STXBP5L: variants seen among roughly 807,000 people sequenced by gnomAD.
STXBP5L encodes the protein syntaxin binding protein 5L, also known as syntaxin-binding protein 5-like.
STXBP5L carries 65 observed loss-of-function variants against 144.5 expected under a neutral mutation model. The ratio of observed to expected loss-of-function variants is 0.45; its 90% CI spans 0.37 to 0.55. The LOEUF (loss-of-function observed/expected upper bound fraction) is 0.55, where lower values mean the gene tolerates loss of function less well. Ranked by LOEUF, STXBP5L falls within the 20% of genes least tolerant of loss-of-function variation. The pLI is 0.00. For synonymous variants in STXBP5L, 505 were observed against 469.6 expected (o/e 1.08, Z -0.97); for missense variants, 1,298 against 1,405.5 (o/e 0.92, Z 1.22).
intron 18 of STXBP5L, among the ~76,000 whole-genome samples, chr3:121,259,721 A>C (rs751405420): frequency 6.6e-6 from 1 of 151,944 alleles, no homozygotes; most frequent in African/African-American, 2.4e-5. Context: ...CATATTTGGT[A>C]TCTAGTCTAT....
chr3:121,197,100 G>T (rs759062899), intron 9 of STXBP5L, among the ~76,000 whole-genome samples: 1 of 151,502 alleles, frequency 6.6e-6, no homozygotes, highest in Non-Finnish European at 1.5e-5. Flanking sequence ...TTATATCTTC[G>T]TTTCATTCTT....
intron 3 of STXBP5L, among the ~76,000 whole-genome samples, chr3:121,018,025 G>T (rs1313394153): frequency 6.6e-6 from 1 of 152,216 alleles, no homozygotes; most frequent in Non-Finnish European, 1.5e-5. Context: ...GTTGCAGTGA[G>T]CCACGATCAC....
intron 20 of STXBP5L, among the ~76,000 whole-genome samples, chr3:121,372,137 G>A (rs1045064791): frequency 6.6e-6 from 1 of 152,130 alleles, no homozygotes; most frequent in African/African-American, 2.4e-5. Flanking sequence ...TGCCAGTCAG[G>A]CACAGTCCAC....
intron 22 of STXBP5L, among the ~76,000 whole-genome samples, chr3:121,396,418 T>C (rs1576350529): frequency 6.6e-6 from 1 of 152,324 alleles, no homozygotes; most frequent in East Asian, 1.9e-4. Flanking sequence ...GGAATGCCCA[T>C]CACCACAAAA....
At chr3:121,025,339 G>C (rs183568343) in intron 3 of STXBP5L, among the ~76,000 whole-genome samples, 5 of 152,174 alleles carry the variant, frequency 3.3e-5, no homozygotes, top group African/African-American at 1.2e-4. Flanking sequence ...GGGATAGCAA[G>C]AAATACTATT....
intron 2 of STXBP5L, among the ~76,000 whole-genome samples, chr3:120,939,297 A>G (rs1710434420): frequency 6.6e-6 from 1 of 152,184 alleles, no homozygotes; most frequent in South Asian, 2.1e-4. Flanking sequence ...TAGCAAGAGG[A>G]CAGCTGTCAT....
At chr3:120,924,090 A>C (rs1435266345) in intron 2 of STXBP5L, among the ~76,000 whole-genome samples, 1 of 152,190 alleles carries the variant, frequency 6.6e-6, no homozygotes, top group Non-Finnish European at 1.5e-5. Context: ...ATCAGTAGTT[A>C]TTACTATTCT....
At chr3:121,070,293 A>G (rs1427255762) in intron 5 of STXBP5L, among the ~76,000 whole-genome samples, 2 of 152,208 alleles carry the variant, frequency 1.3e-5, no homozygotes, top group Admixed American at 1.3e-4. Flanking sequence ...CTTGCAACCT[A>G]AACTTATTGG....
At chr3:120,991,828 G>C (rs1036341728) in intron 3 of STXBP5L, among the ~76,000 whole-genome samples, 1 of 149,402 alleles carries the variant, frequency 6.7e-6, no homozygotes, top group East Asian at 2.0e-4. Flanking sequence ...GGGGCAGGGG[G>C]GAGGGATAGC....
chr3:121,115,152 T>G (rs532901579), intron 6 of STXBP5L, 93 bp downstream of exon 6: 61 of 1,200,590 alleles, frequency 5.1e-5, no homozygotes, highest in Non-Finnish European at 6.5e-5. Flanking sequence ...GATACGTCTA[T>G]TACTAATTTA....
intron 3 of STXBP5L, among the ~76,000 whole-genome samples, chr3:121,037,028 G>A (rs1172596651): frequency 2.0e-5 from 3 of 151,920 alleles, no homozygotes; most frequent in South Asian, 4.1e-4. Context: ...CTGGGCTCAG[G>A]CAATCCTCCC....
At chr3:121,244,452 A>G (rs1559900089) in intron 14 of STXBP5L, among the ~76,000 whole-genome samples, 1 of 150,380 alleles carries the variant, frequency 6.6e-6, no homozygotes, top group African/African-American at 2.4e-5. Context: ...AGGGGCGGGG[A>G]GAGAGAGAGA....
intron 3 of STXBP5L, among the ~76,000 whole-genome samples, chr3:120,961,772 C>T (rs1938855159): frequency 6.6e-6 from 1 of 152,148 alleles, no homozygotes; most frequent in Non-Finnish European, 1.5e-5. Flanking sequence ...GATTGATAAT[C>T]CTTTGGGTCT....
chr3:120,940,312 G>T (rs2107649614), intron 2 of STXBP5L, among the ~76,000 whole-genome samples: 2 of 151,836 alleles, frequency 1.3e-5, no homozygotes, highest in South Asian at 4.1e-4. Context: ...ACAAGCAGGA[G>T]AATTTAAGTG....
chr3:121,089,724 A>T (rs928262152), intron 5 of STXBP5L, among the ~76,000 whole-genome samples: 1 of 151,576 alleles, frequency 6.6e-6, no homozygotes, highest in Non-Finnish European at 1.5e-5. Flanking sequence ...TGATAGATCT[A>T]TTGGTTTTGT....
At chr3:121,347,592 A>G (rs1041661992) in intron 20 of STXBP5L, among the ~76,000 whole-genome samples, 1 of 152,208 alleles carries the variant, frequency 6.6e-6, no homozygotes, top group African/African-American at 2.4e-5. Context: ...ACCCATGAGC[A>G]TGGAATGTTC....
chr3:120,926,163 G>T (rs1224915822), intron 2 of STXBP5L, among the ~76,000 whole-genome samples: 2 of 151,968 alleles, frequency 1.3e-5, no homozygotes, highest in East Asian at 3.9e-4. Flanking sequence ...TGGGTTTTAT[G>T]CTTTCCCATG....
chr3:121,046,554 C>T (rs1947528939), intron 5 of STXBP5L, among the ~76,000 whole-genome samples: 1 of 151,926 alleles, frequency 6.6e-6, no homozygotes, highest in African/African-American at 2.4e-5. Context: ...ATTGGTCTGT[C>T]CAGGGATTCA....
intron 3 of STXBP5L, among the ~76,000 whole-genome samples, chr3:121,034,872 C>G (rs926270051): frequency 6.6e-6 from 1 of 152,114 alleles, no homozygotes; most frequent in Non-Finnish European, 1.5e-5. Context: ...CCTCCACATC[C>G]TTGCCAACAT....
Sources: gnomAD v4.1 joint callset for allele counts (sites outside exome capture counted in the v4.1 genomes callset) on GRCh38, gnomAD v4.1.1 for gene constraint, MANE v1.5 for transcripts, NCBI Gene and HGNC (gene_info 2026-07-23, HGNC 2026-07-21) for gene names.